RASGRP3: variants seen among roughly 807,000 people sequenced by gnomAD.
RASGRP3 encodes the protein ras guanyl-releasing protein 3.
Under a neutral mutation model 82.7 loss-of-function variants are expected in RASGRP3, and 54 were observed. The observed-to-expected ratio is 0.65, with a 90% CI of 0.52 to 0.82. The LOEUF (loss-of-function observed/expected upper bound fraction) is 0.82, where lower values mean the gene tolerates loss of function less well. RASGRP3 is among the 40% of genes least tolerant of loss of function. The pLI is 0.00. For missense variants in RASGRP3, 861 were observed against 828.9 expected (o/e 1.04, Z -0.48); for synonymous variants, 309 against 300.5 (o/e 1.03, Z -0.29).
intron 2 of RASGRP3, among the ~76,000 whole-genome samples, chr2:33,466,501 A>T (rs940098228): frequency 3.9e-5 from 6 of 152,160 alleles, no homozygotes; most frequent in African/African-American, 9.7e-5. Context: ...CAACATGGTG[A>T]AACCCTGTCT....
intron 1 of RASGRP3, among the ~76,000 whole-genome samples, chr2:33,498,009 T>C (rs978237355): frequency 1.3e-5 from 2 of 152,180 alleles, no homozygotes; most frequent in African/African-American, 4.8e-5. Context: ...CTCCAGCCCT[T>C]CTTTCCTTTC....
At chr2:33,466,332 G>A (rs1401454837) in intron 2 of RASGRP3, among the ~76,000 whole-genome samples, 24 of 152,216 alleles carry the variant, frequency 1.6e-4, no homozygotes, top group Admixed American at 1.6e-3. Flanking sequence ...ATTAATAGGA[G>A]TTTGAAAGAA....
At chr2:33,475,864 G>A (rs1210841881), upstream of RASGRP3, among the ~76,000 whole-genome samples, 2 of 152,216 alleles carry the variant, frequency 1.3e-5, no homozygotes, top group Admixed American at 6.5e-5. Flanking sequence ...TGTAAAGCGC[G>A]TTGTCAACTT....
rs1558539837 is a variant in RASGRP3, at chr2:33,564,712, TAAA to T, written c.*1979_*1981del. Reference sequence around the variant, plus strand: ...TATTAAATGTAACTTGAGTAAAAAATAAAAAAGAATAACTATGTATATACATAT... The same window carrying T: ...TATTAAATGTAACTTGAGTAAAAAATAAAGAATAACTATGTATATACATAT... On this transcript the variant is annotated 3_prime_UTR_variant, in exon 18 of 18. Transcript: ENST00000403687. 1 of 151,938 alleles carries T rather than the reference TAAA, an allele frequency of 6.6e-6. No homozygotes were observed. The highest frequency in any genetic ancestry group is 2.4e-5 in the African/African-American group (1 of 41,350). 9.4% of individuals were successfully genotyped at this position (151,938 alleles called of 1,614,324 possible). A position where few individuals can be genotyped will look rare whatever the true frequency, so the allele number is the denominator to read the frequency against.
Position 33,559,008 on chromosome 2 carries a change from A to G in RASGRP3, c.2042A>G (p.Glu681Gly). 1 of 1,611,250 alleles carries G rather than the reference A, an allele frequency of 6.2e-7. No individual in the cohort carries two copies. The highest frequency in any genetic ancestry group is 1.1e-5 in the South Asian group (1 of 90,522). ...TTTGAACTTGACCAGGATGAAGGAG[A>G]AGAGACCAGACAGGATGGTGAGGTA... ...TEFELDQDEG[E>G]ETRQDGEDG The change falls in exon 17 of 18, where the codon GAA (glutamate) becomes GGA (glycine). Residue 681 changes from glutamate (E) to glycine (G), a missense_variant. Transcript: ENST00000403687.
At chr2:33,465,386 C>A (rs1292584514) in intron 2 of RASGRP3, among the ~76,000 whole-genome samples, 4 of 152,122 alleles carry the variant, frequency 2.6e-5, no homozygotes, top group Non-Finnish European at 5.9e-5. Context: ...TAAGGAATAA[C>A]ACTATCTCCA....
chr2:33,476,845 C>T (rs1667426535), intron 1 of RASGRP3, 138 bp downstream of exon 1: 2 of 150,374 alleles, frequency 1.3e-5, no homozygotes, highest in Admixed American at 6.7e-5. Context: ...CCCTCTGGCA[C>T]GATAGAAGGA....
intron 1 of RASGRP3, among the ~76,000 whole-genome samples, chr2:33,483,942 G>A (rs774306732): frequency 6.6e-6 from 1 of 152,120 alleles, no homozygotes; most frequent in Non-Finnish European, 1.5e-5. Context: ...TGACCAAAAG[G>A]AGGAGCGACA....
chr2:33,480,130 C>A (rs999015517), intron 1 of RASGRP3, among the ~76,000 whole-genome samples: 7 of 149,720 alleles, frequency 4.7e-5, no homozygotes, highest in East Asian at 2.0e-4. Flanking sequence ...GCAAGCTCCG[C>A]CTCCAGGATT....
chr2:33,484,328 T>A (rs1445843924), intron 1 of RASGRP3, among the ~76,000 whole-genome samples: 1 of 152,234 alleles, frequency 6.6e-6, no homozygotes, highest in African/African-American at 2.4e-5. Context: ...GCTCATAAAC[T>A]ACTCAAGAAT....
chr2:33,460,337 A>G (rs941132539), intron 2 of RASGRP3, among the ~76,000 whole-genome samples: 3 of 152,120 alleles, frequency 2.0e-5, no homozygotes, highest in African/African-American at 7.2e-5. Flanking sequence ...CCCCATACAT[A>G]TATATGTAGG....
intron 1 of RASGRP3, among the ~76,000 whole-genome samples, chr2:33,438,756 G>C (rs1454982712): frequency 6.6e-6 from 1 of 152,048 alleles, no homozygotes; most frequent in African/African-American, 2.4e-5. Context: ...TAATTACATA[G>C]AAATGTATTG....
chr2:33,474,457 C>T (rs1410544362), upstream of RASGRP3, among the ~76,000 whole-genome samples: 2 of 152,152 alleles, frequency 1.3e-5, no homozygotes, highest in Non-Finnish European at 2.9e-5. Context: ...AGCACACCAC[C>T]ACGCCCGGCT....
intron 1 of RASGRP3, among the ~76,000 whole-genome samples, chr2:33,494,247 TGA>T: frequency 6.6e-6 from 1 of 152,322 alleles, no homozygotes; most frequent in East Asian, 1.9e-4. Context: ...CGGTTTTCTC[TGA>T]GTAGACTAAA....
intron 1 of RASGRP3, among the ~76,000 whole-genome samples, chr2:33,479,649 C>T (rs1667715656): frequency 6.6e-6 from 1 of 152,112 alleles, no homozygotes; most frequent in Admixed American, 6.6e-5. Context: ...TCACTGCCTG[C>T]ACCTGCCATT....
chr2:33,526,736 G>A (rs1672601171), intron 9 of RASGRP3, among the ~76,000 whole-genome samples: 1 of 152,118 alleles, frequency 6.6e-6, no homozygotes, highest in Non-Finnish European at 1.5e-5. Flanking sequence ...ACCCCATACT[G>A]TCCCAAATTA....
chr2:33,479,179 C>T (rs1346152644), intron 1 of RASGRP3, among the ~76,000 whole-genome samples: 1 of 152,198 alleles, frequency 6.6e-6, no homozygotes, highest in Non-Finnish European at 1.5e-5. Flanking sequence ...TTCGAGCTCT[C>T]CATGACAGGA....
chr2:33,521,590 T>C (rs1381485793), intron 6 of RASGRP3, among the ~76,000 whole-genome samples: 3 of 152,240 alleles, frequency 2.0e-5, no homozygotes, highest in East Asian at 3.8e-4. Flanking sequence ...TACTAAAGTA[T>C]GAGAACCACA....
intron 2 of RASGRP3, among the ~76,000 whole-genome samples, chr2:33,461,502 T>A (rs1666363886): frequency 6.6e-6 from 1 of 152,232 alleles, no homozygotes; most frequent in Non-Finnish European, 1.5e-5. Context: ...GGTCTTGAAC[T>A]CCCAAGCTCA....
Sources: allele counts gnomAD v4.1 joint callset (sites outside exome capture counted in the v4.1 genomes callset), GRCh38; gene constraint gnomAD v4.1.1; transcripts MANE v1.5; gene names NCBI Gene and HGNC (gene_info 2026-07-23, HGNC 2026-07-21).